The following SORL1 variants were observed in gnomAD, a reference collection of about 807,000 sequenced individuals.
SORL1 encodes sortilin related receptor 1, also known as sortilin-related receptor.
A neutral mutation model predicts 273.7 loss-of-function variants in SORL1; 127 were observed. The ratio of observed to expected loss-of-function variants is 0.46; its 90% CI spans 0.40 to 0.54. The LOEUF (loss-of-function observed/expected upper bound fraction) is 0.54. Ranked by LOEUF, SORL1 falls within the 20% of genes least tolerant of loss-of-function variation. SORL1 has a pLI of 0.00. For synonymous variants in SORL1, 1,031 were observed against 1,067.4 expected, an observed-to-expected ratio of 0.97 and a Z score of 0.66; for missense variants, 2,494 against 2,846.1, an observed-to-expected ratio of 0.88 and a Z score of 2.81.
intron 18 of SORL1, among the ~76,000 whole-genome samples, 199 bp downstream of exon 18, chr11:121,555,517 G>A (rs1862565849): frequency 6.6e-6 from 1 of 152,080 alleles, no homozygotes; most frequent in Non-Finnish European, 1.5e-5. Flanking sequence ...CTTTTGGCTA[G>A]CAGAAGCTTA....
In SORL1 at chr11:121,522,593, A is replaced by G. The variant is rs778558596; in HGVS notation, c.1412A>G (p.Gln471Arg). Residue 471 changes from glutamine to arginine, a missense_variant, in exon 10 of 48, where the codon CAG (glutamine) becomes CGG (arginine). Physicochemically the swap from Gln to Arg is conservative, Grantham distance 43 (BLOSUM62 1). Coordinates refer to ENST00000260197, the MANE Select transcript of SORL1 (RefSeq NM_003105.6). ...YGEKINCELS[Q>R]GCSLHLAQRL... Reference sequence around the variant, plus strand: ...GAAACTTTGGTTGTATAGCTTTCCCAGGGCTGTTCCCTTCATCTGGCTCAG... The same window carrying G: ...GAAACTTTGGTTGTATAGCTTTCCCGGGGCTGTTCCCTTCATCTGGCTCAG... The G allele has an allele frequency of 6.2e-7, 1 of 1,613,414 alleles. No homozygotes were observed. The highest frequency in any genetic ancestry group is 8.5e-7 in the Non-Finnish European group (1 of 1,179,322).
rs979863210 is a variant in SORL1 at position 121,523,007 on chromosome 11, A to G, written c.1596+18A>G. 2.6e-6 allele frequency: 4 copies of G among 1,531,294 alleles called. No individual in the cohort carries two copies. Among genetic ancestry groups the G allele is most frequent in the East Asian group, 2.2e-5 (1 of 44,482 alleles). 94.9% of individuals were successfully genotyped at this position (1,531,294 alleles called of 1,614,324 possible). A position where few individuals can be genotyped will look rare whatever the true frequency, so the allele number is the denominator to read the frequency against. The stretch of plus-strand genomic sequence containing the variant: ...GGCGAGAGGTCAGCCCCCTCCCCCA[A>G]TCCCGTCCCCTCCACCCTCATTCCC... On this transcript the variant is annotated intron_variant, in intron 11 of 47. Coordinates refer to ENST00000260197, the MANE Select transcript of SORL1 (RefSeq NM_003105.6).
At chr11:121,491,084 A>G (rs1016851596) in intron 5 of SORL1, among the ~76,000 whole-genome samples, 13 of 152,184 alleles carry the variant, frequency 8.5e-5, no homozygotes, top group Non-Finnish European at 7.4e-5. Flanking sequence ...AGGCAGAGGA[A>G]CAAAGTGACT....
At chr11:121,569,381 G>C (rs553492875) in intron 22 of SORL1, among the ~76,000 whole-genome samples, 1 of 152,202 alleles carries the variant, frequency 6.6e-6, no homozygotes, top group Non-Finnish European at 1.5e-5. Flanking sequence ...CCGGTGAGCC[G>C]GGCGGAACAG....
intron 7 of SORL1, among the ~76,000 whole-genome samples, chr11:121,513,319 G>GTGGAGCAGCAC (rs1861905834): frequency 6.6e-6 from 1 of 152,246 alleles, no homozygotes; most frequent in African/African-American, 2.4e-5. Flanking sequence ...TTTGCTTTAA[G>GTGGAGCAGCAC]TGGAGCAGCA....
chr11:121,513,346 C>T (rs1267138715), intron 7 of SORL1, among the ~76,000 whole-genome samples: 1 of 152,164 alleles, frequency 6.6e-6, no homozygotes, highest in Admixed American at 6.5e-5. Flanking sequence ...GAGAGAGGTT[C>T]GAGCCAGAGT....
intron 2 of SORL1, among the ~76,000 whole-genome samples, chr11:121,475,871 T>C (rs1861259718): frequency 6.6e-6 from 1 of 152,186 alleles, no homozygotes; most frequent in African/African-American, 2.4e-5. Context: ...TTTCTATTCA[T>C]TTATTTATCA....
intron 1 of SORL1, among the ~76,000 whole-genome samples, chr11:121,459,599 T>C (rs976979402): frequency 6.6e-6 from 1 of 152,210 alleles, no homozygotes; most frequent in Non-Finnish European, 1.5e-5. Flanking sequence ...ATTCATAGGG[T>C]GAACCAGATC....
chr11:121,557,548 C>T lies in SORL1; in HGVS notation c.2663+143C>T, dbSNP rs182620286. The T allele has an allele frequency of 1.7e-4, 110 of 663,392 alleles. No individual in the cohort carries two copies. The African/African-American group carries it at 1.8e-3, about 11-fold the overall frequency. The allele number at this position is 663,392 out of a possible 1,614,324, so 41.1% of individuals were successfully genotyped here. ...CTATTAACTGAGAAGTTTGAGACCACAGCTTAGTCATCGTGGTCAGGTAAC... is the reference window on the plus strand; with the variant it reads ...CTATTAACTGAGAAGTTTGAGACCATAGCTTAGTCATCGTGGTCAGGTAAC... On this transcript the variant is annotated intron_variant, in intron 19 of 47. Transcript: ENST00000260197.
At chr11:121,504,129 C>T (rs1861753002) in intron 6 of SORL1, among the ~76,000 whole-genome samples, 2 of 152,030 alleles carry the variant, frequency 1.3e-5, no homozygotes, top group Non-Finnish European at 2.9e-5. Context: ...AAATTTTTTT[C>T]CTGGCTGGGC....
chr11:121,591,680 T>C (rs1863216857), intron 31 of SORL1, among the ~76,000 whole-genome samples: 1 of 152,202 alleles, frequency 6.6e-6, no homozygotes, highest in Admixed American at 6.5e-5. Flanking sequence ...AAATCCCATT[T>C]CGTGTGTGCT....
chr11:121,605,105 C>G lies in SORL1; in HGVS notation c.4652-8C>G, dbSNP rs1863449540. 6.3e-7 allele frequency: 1 copy of G among 1,599,766 alleles called. No individual in the cohort carries two copies. Among genetic ancestry groups the G allele is most frequent in the Admixed American group, 1.7e-5 (1 of 57,188 alleles). On this transcript the variant is annotated splice_region_variant and splice_polypyrimidine_tract_variant and intron_variant, in intron 33 of 47. Coordinates refer to ENST00000260197, the MANE Select transcript of SORL1 (RefSeq NM_003105.6). ...CTTTGTTTGTCTTTTTCTCCTTTATCTCTCTAGATGAGTTGACTGTGTACA... is the reference window on the plus strand; with the variant it reads ...CTTTGTTTGTCTTTTTCTCCTTTATGTCTCTAGATGAGTTGACTGTGTACA...
chr11:121,565,633 C>A lies in SORL1; in HGVS notation c.3050-1307C>A, dbSNP rs555662073. 4.6e-5 allele frequency among the ~76,000 whole-genome samples: 7 copies of A among 152,298 alleles called. No homozygotes were observed. In the South Asian group the frequency reaches 1.4e-3, roughly 32 times the overall value. ...TGAGTTTTATCTAAGTTTTTATGTT[C>A]ATTTTTCCCATTTTCATGATTAATA... On this transcript the variant is annotated intron_variant, in intron 21 of 47. Coordinates refer to ENST00000260197, the MANE Select transcript of SORL1 (RefSeq NM_003105.6).
At chr11:121,481,294 C>T (rs878886637) in intron 3 of SORL1, among the ~76,000 whole-genome samples, 284 of 94,086 alleles carry the variant, frequency 3.0e-3, no homozygotes, top group Middle Eastern at 8.9e-3. Flanking sequence ...TAGGCAGGCT[C>T]CATCTCCTCC....
chr11:121,589,070 G>A (rs910765919), intron 28 of SORL1, among the ~76,000 whole-genome samples, 189 bp from the exon 29 acceptor site: 1 of 152,206 alleles, frequency 6.6e-6, no homozygotes, highest in African/African-American at 2.4e-5. Flanking sequence ...AAGATTCATG[G>A]AATGGATTAA....
intron 12 of SORL1, among the ~76,000 whole-genome samples, chr11:121,538,510 T>C (rs75023639): frequency 0.021 from 3,272 of 152,332 alleles, 57 homozygotes; most frequent in Middle Eastern, 0.054. Context: ...GAGTTCACTT[T>C]AACTAAAATA....
chr11:121,550,012 G>C lies in SORL1; in HGVS notation c.2104G>C (p.Asp702His). The change falls in exon 15 of 48, where the codon GAT (aspartate) becomes CAT (histidine). Residue 702 changes from aspartate to histidine, a missense_variant. Asp to His is a moderately conservative substitution (Grantham distance 81). Coordinates refer to ENST00000260197, the MANE Select transcript of SORL1 (RefSeq NM_003105.6). The surrounding 1 kb of genome is among the most constrained non-coding windows in gnomAD (Gnocchi z 5.3). ...EDLSLEVCVP[D>H]PEFSGKSYSP... ...TTTGTCATTAGAGGTTTGTGTTCCA[G>C]ATCCGGAATTTTCTGGAAAGTCATA... The C allele has an allele frequency of 1.9e-6, 3 of 1,613,892 alleles. No individual in the cohort carries two copies. The highest frequency in any genetic ancestry group is 2.5e-6 in the Non-Finnish European group (3 of 1,179,844).
rs527352792 is a variant in SORL1, at chr11:121,557,510, T to G, written c.2663+105T>G. ...ACAAAAACTCTGTTTCTCATGATGG[T>G]GGTTGAAATGGTCTATTAACTGAGA... On this transcript the variant is annotated intron_variant, in intron 19 of 47. Transcript: ENST00000260197. 2.7e-5 allele frequency: 23 copies of G among 854,050 alleles called. No homozygotes were observed. In the African/African-American group the frequency reaches 3.7e-4, roughly 14 times the overall value. The allele number at this position is 854,050 out of a possible 1,614,324, so 52.9% of individuals were successfully genotyped here.
chr11:121,605,323 C>G, intron 34 of SORL1, 79 bp from the exon 35 acceptor site: 1 of 1,574,310 alleles, frequency 6.4e-7, no homozygotes, highest in Non-Finnish European at 8.7e-7. Flanking sequence ...TGGCATGCAC[C>G]ATGCTATTAA....
Sources: gnomAD v4.1 joint callset for allele counts (sites outside exome capture counted in the v4.1 genomes callset) on GRCh38, gnomAD v4.1.1 for gene constraint, Gnocchi (gnomAD v3.1) non-coding constraint, MANE v1.5 for transcripts, NCBI Gene and HGNC (gene_info 2026-07-23, HGNC 2026-07-21) for gene names.